Variants in SLC25A26 observed in about 807,000 individuals in gnomAD.
SLC25A26 encodes the protein solute carrier family 25 member 26.
SLC25A26 carries 36 observed loss-of-function variants against 37.8 expected under a neutral mutation model. The observed-to-expected ratio is 0.95, with a 90% CI of 0.73 to 1.26. SLC25A26 has a LOEUF of 1.26. Among genes scored for constraint, SLC25A26 ranks in the 50% most tolerant of loss-of-function variants. The pLI, the probability that SLC25A26 is intolerant of heterozygous loss-of-function variation, is 0.00. For missense variants in SLC25A26, 390 were observed against 331.1 expected (o/e 1.18, Z -1.38); for synonymous variants, 129 against 122.5 (o/e 1.05, Z -0.35).
chr3:66,271,369 T>C (rs900861077), intron 5 of SLC25A26, among the ~76,000 whole-genome samples: 2 of 152,162 alleles, frequency 1.3e-5, no homozygotes, highest in East Asian at 3.9e-4. Context: ...ATCCAGTCTC[T>C]TTCATTTTGC....
intron 3 of SLC25A26, 140 bp from the exon 4 acceptor site, chr3:66,261,911 A>T: frequency 3.0e-6 from 1 of 336,232 alleles, no homozygotes; most frequent in Non-Finnish European, 5.6e-6. Flanking sequence ...TTTTAGGTTA[A>T]AAAAAAAAAA....
intron 5 of SLC25A26, among the ~76,000 whole-genome samples, chr3:66,309,182 A>G (rs1311176383): frequency 6.6e-6 from 1 of 152,102 alleles, no homozygotes; most frequent in Non-Finnish European, 1.5e-5. Flanking sequence ...TACTGCATCA[A>G]TTTCAGAACT....
intron 9 of SLC25A26, among the ~76,000 whole-genome samples, chr3:66,371,604 A>G (rs1468768944): frequency 6.6e-6 from 1 of 152,158 alleles, no homozygotes; most frequent in Non-Finnish European, 1.5e-5. Flanking sequence ...CCAGAGGAAT[A>G]ATTGGCTGTT....
intron 1 of SLC25A26, among the ~76,000 whole-genome samples, chr3:66,154,112 A>G (rs2070244045): frequency 6.6e-6 from 1 of 152,212 alleles, no homozygotes. Context: ...GTGCCTGAAT[A>G]TAAAACTCGG....
intron 1 of SLC25A26, among the ~76,000 whole-genome samples, chr3:66,180,683 A>G (rs1457905147): frequency 6.6e-6 from 1 of 151,808 alleles, no homozygotes; most frequent in Non-Finnish European, 1.5e-5. Context: ...TGACCTGATG[A>G]GATTTTTTTA....
chr3:66,360,011 G>A (rs1393216763), intron 6 of SLC25A26, among the ~76,000 whole-genome samples: 2 of 152,138 alleles, frequency 1.3e-5, no homozygotes, highest in African/African-American at 4.8e-5. Context: ...CAAACCACAC[G>A]CTGTCACATA....
chr3:66,220,155 G>C (rs2071430040), upstream of SLC25A26, among the ~76,000 whole-genome samples: 2 of 152,208 alleles, frequency 1.3e-5, no homozygotes, highest in South Asian at 4.1e-4. Context: ...GCTCTGCTGT[G>C]TTCTCTGTAG....
At chr3:66,161,002 C>T (rs1441674733) in intron 1 of SLC25A26, among the ~76,000 whole-genome samples, 1 of 152,124 alleles carries the variant, frequency 6.6e-6, no homozygotes, top group African/African-American at 2.4e-5. Context: ...TATTCAAGAG[C>T]TCTTCATTTT....
chr3:66,138,731 G>T (rs899318239), intron 1 of SLC25A26, among the ~76,000 whole-genome samples: 3 of 152,066 alleles, frequency 2.0e-5, no homozygotes, highest in East Asian at 1.9e-4. Flanking sequence ...AGAGCCAGAG[G>T]TTCCTCTTCA....
intron 5 of SLC25A26, among the ~76,000 whole-genome samples, chr3:66,296,368 A>G (rs1463670327): frequency 6.6e-6 from 1 of 152,242 alleles, no homozygotes; most frequent in East Asian, 1.9e-4. Flanking sequence ...TCAAAACTTT[A>G]TCTCAGATAC....
At chr3:66,204,872 C>T (rs1296355877) in intron 1 of SLC25A26, among the ~76,000 whole-genome samples, 1 of 152,148 alleles carries the variant, frequency 6.6e-6, no homozygotes, top group African/African-American at 2.4e-5. Context: ...CCTTAGCTAT[C>T]AGTCAACATT....
chr3:66,285,215 T>C (rs2074469513), intron 5 of SLC25A26, among the ~76,000 whole-genome samples: 1 of 151,844 alleles, frequency 6.6e-6, no homozygotes, highest in Non-Finnish European at 1.5e-5. Flanking sequence ...TGTAATGAGG[T>C]ATATAAAAAT....
At chr3:66,273,578 C>G (rs1375637605) in intron 5 of SLC25A26, among the ~76,000 whole-genome samples, 7 of 152,152 alleles carry the variant, frequency 4.6e-5, no homozygotes, top group Admixed American at 4.6e-4. Context: ...AATCAATGTA[C>G]AAAAATCACA....
At chr3:66,285,305 A>T (rs1372318766) in intron 5 of SLC25A26, among the ~76,000 whole-genome samples, 9 of 151,824 alleles carry the variant, frequency 5.9e-5, no homozygotes, top group Admixed American at 5.9e-4. Context: ...GCTTTGTAAC[A>T]AGCGAAGTAA....
chr3:66,134,879 G>A (rs952623433), intron 1 of SLC25A26, among the ~76,000 whole-genome samples: 2 of 151,094 alleles, frequency 1.3e-5, no homozygotes, highest in African/African-American at 4.9e-5. Flanking sequence ...CACCCAGGCT[G>A]TAGTGCAATG....
At chr3:66,346,715 C>CGTGCGT (rs1390289705) in intron 6 of SLC25A26, among the ~76,000 whole-genome samples, 12 of 138,882 alleles carry the variant, frequency 8.6e-5, no homozygotes, top group Non-Finnish European at 1.4e-4. Flanking sequence ...TTGCTGTGTG[C>CGTGCGT]GTGTGTGTGT....
At chr3:66,180,279 G>A (rs36178496) in intron 1 of SLC25A26, among the ~76,000 whole-genome samples, 9,917 of 152,178 alleles carry the variant, frequency 0.065, 493 homozygotes, top group Non-Finnish European at 0.098. Flanking sequence ...CCACACTTTT[G>A]CATGCTGCAA....
chr3:66,322,772 G>A (rs1258784510), intron 5 of SLC25A26, among the ~76,000 whole-genome samples: 5 of 152,202 alleles, frequency 3.3e-5, no homozygotes, highest in African/African-American at 7.2e-5. Flanking sequence ...ATTATCAGTT[G>A]CTAGATGGAC....
chr3:66,260,661 G>T (rs2073492636), intron 3 of SLC25A26, among the ~76,000 whole-genome samples: 1 of 152,116 alleles, frequency 6.6e-6, no homozygotes, highest in Admixed American at 6.5e-5. Flanking sequence ...GGGTGCTCGG[G>T]CTTATATCTG....
Sources: allele counts gnomAD v4.1 joint callset (sites outside exome capture counted in the v4.1 genomes callset), GRCh38; gene constraint gnomAD v4.1.1; transcripts MANE v1.5; gene names NCBI Gene and HGNC (gene_info 2026-07-23, HGNC 2026-07-21).